Variants in CADPS2 observed in about 807,000 individuals in gnomAD.
CADPS2 encodes calcium-dependent secretion activator 2.
Under a neutral mutation model 172.5 loss-of-function variants are expected in CADPS2, and 93 were observed. That is an observed-to-expected ratio of 0.54 (90% CI 0.46 to 0.64). The LOEUF (loss-of-function observed/expected upper bound fraction) is 0.64, where lower values mean the gene tolerates loss of function less well. CADPS2 is among the 30% of genes least tolerant of loss of function. The pLI is 0.00. For missense variants in CADPS2, 1,420 were observed against 1,565.9 expected (o/e 0.91, Z 1.57); for synonymous variants, 546 against 555.2 (o/e 0.98, Z 0.23).
At chr7:122,485,693 G>A (rs2057737437) in intron 11 of CADPS2, among the ~76,000 whole-genome samples, 1 of 152,326 alleles carries the variant, frequency 6.6e-6, no homozygotes, top group Non-Finnish European at 1.5e-5. Context: ...GATGAAGTTA[G>A]CTATGCTAAA....
intron 25 of CADPS2, among the ~76,000 whole-genome samples, chr7:122,367,107 C>T (rs1337534814): frequency 6.6e-6 from 1 of 152,106 alleles, no homozygotes; most frequent in Non-Finnish European, 1.5e-5. Context: ...TAACAGATGC[C>T]TTCTGAATAT....
chr7:122,837,005 C>T (rs1322326436), intron 1 of CADPS2, among the ~76,000 whole-genome samples: 1 of 152,126 alleles, frequency 6.6e-6, no homozygotes, highest in Non-Finnish European at 1.5e-5. Flanking sequence ...TTGCTTATTC[C>T]AAAATTGACC....
intron 8 of CADPS2, among the ~76,000 whole-genome samples, chr7:122,552,146 T>C (rs943630072): frequency 6.6e-6 from 1 of 152,182 alleles, no homozygotes; most frequent in African/African-American, 2.4e-5. Flanking sequence ...AAATGTTTAA[T>C]TCTTCTAATA....
intron 1 of CADPS2, among the ~76,000 whole-genome samples, chr7:122,870,094 A>G (rs935910581): frequency 6.6e-6 from 1 of 152,044 alleles, no homozygotes; most frequent in African/African-American, 2.4e-5. Context: ...GTAAATCCTT[A>G]CCTATCAATA....
intron 2 of CADPS2, among the ~76,000 whole-genome samples, chr7:122,724,916 C>A (rs370116680): frequency 1.3e-5 from 2 of 151,640 alleles, no homozygotes; most frequent in African/African-American, 2.4e-5. Flanking sequence ...TAAGTCCATA[C>A]GATTACAGAG....
chr7:122,474,567 G>A, intron 12 of CADPS2, 50 bp from the exon 13 acceptor site: 4 of 1,561,550 alleles, frequency 2.6e-6, no homozygotes, highest in Non-Finnish European at 3.5e-6. Context: ...CAGGCTTAAT[G>A]ATGGACATAC....
intron 6 of CADPS2, among the ~76,000 whole-genome samples, chr7:122,603,976 A>G (rs1207035255): frequency 6.6e-6 from 1 of 152,130 alleles, no homozygotes; most frequent in Non-Finnish European, 1.5e-5. Flanking sequence ...AACATGGGGG[A>G]TGATGGATAT....
intron 3 of CADPS2, among the ~76,000 whole-genome samples, chr7:122,650,061 A>T (rs1420412040): frequency 6.6e-6 from 1 of 150,700 alleles, no homozygotes; most frequent in Non-Finnish European, 1.5e-5. Context: ...TGCGCGTGCC[A>T]CCACACCTGG....
At chr7:122,756,279 A>G (rs996204886) in intron 1 of CADPS2, among the ~76,000 whole-genome samples, 3 of 152,218 alleles carry the variant, frequency 2.0e-5, no homozygotes, top group Non-Finnish European at 2.9e-5. Context: ...AATCCAACTT[A>G]GAAAAAATCA....
At chr7:122,598,237 A>AT (rs567814742) in intron 6 of CADPS2, among the ~76,000 whole-genome samples, 208 of 150,182 alleles carry the variant, frequency 1.4e-3, no homozygotes, top group South Asian at 4.0e-3. Flanking sequence ...TGCTACAAAG[A>AT]TTTTTTTTTT....
chr7:122,330,654 C>G (rs2034765524), intron 28 of CADPS2: 1 of 152,120 alleles, frequency 6.6e-6, no homozygotes. Flanking sequence ...GTGAAACCAG[C>G]CTATTAGGTT....
chr7:122,576,279 T>C (rs980261771), intron 7 of CADPS2, among the ~76,000 whole-genome samples: 9 of 152,152 alleles, frequency 5.9e-5, no homozygotes, highest in Non-Finnish European at 1.3e-4. Flanking sequence ...ATAGAGAGCA[T>C]AGGATATCCA....
Position 122,451,370 on chromosome 7 carries a change from A to C in CADPS2, c.2288+4T>G. The stretch of plus-strand genomic sequence containing the variant: ...AATATTTATATTAATAAAAAAATAT[A>C]TACCTGAAATGGCTTATCTGATTTT... On this transcript the variant is annotated splice_donor_region_variant and intron_variant, in intron 15 of 29. Coordinates refer to ENST00000449022, the MANE Select transcript of CADPS2 (RefSeq NM_017954.11). 1 of 1,381,698 alleles carries C rather than the reference A, an allele frequency of 7.2e-7. No homozygotes were observed. The allele number at this position is 1,381,698 out of a possible 1,614,324, so 85.6% of individuals were successfully genotyped here.
At chr7:122,661,115 A>G (rs1005865266) in intron 3 of CADPS2, among the ~76,000 whole-genome samples, 1 of 152,224 alleles carries the variant, frequency 6.6e-6, no homozygotes. Context: ...AAGGAATACT[A>G]CATCACGATA....
intron 25 of CADPS2, among the ~76,000 whole-genome samples, chr7:122,370,911 T>G (rs2041688425): frequency 6.6e-6 from 1 of 152,160 alleles, no homozygotes; most frequent in African/African-American, 2.4e-5. Flanking sequence ...AAGTTTTTCT[T>G]GTGGGTCAAC....
chr7:122,368,594 A>G lies in CADPS2; in HGVS notation c.3388-7581T>C, dbSNP rs150707303. The stretch of plus-strand genomic sequence containing the variant: ...CTCCTTTCCCTTCTTAATCAGACTG[A>G]CATCAATGCTTTGATTGGTGTTATA... On this transcript the variant is annotated intron_variant, in intron 25 of 29. Coordinates refer to ENST00000449022, the MANE Select transcript of CADPS2 (RefSeq NM_017954.11). 3.0e-3 allele frequency among the ~76,000 whole-genome samples: 463 copies of G among 152,328 alleles called. 4 individuals carry two copies. The highest frequency in any genetic ancestry group is 0.011 in the African/African-American group (447 of 41,572).
chr7:122,855,314 A>C (rs1354265214), intron 1 of CADPS2, among the ~76,000 whole-genome samples: 2 of 152,236 alleles, frequency 1.3e-5, no homozygotes, highest in Non-Finnish European at 2.9e-5. Flanking sequence ...ACACACATTA[A>C]TTTATTTATC....
At chr7:122,614,434 T>G (rs1305800941) in intron 6 of CADPS2, among the ~76,000 whole-genome samples, 1 of 152,134 alleles carries the variant, frequency 6.6e-6, no homozygotes, top group Admixed American at 6.6e-5. Flanking sequence ...ATATTGGTAT[T>G]ATAATAAGGC....
chr7:122,601,391 C>G (rs199802800), intron 6 of CADPS2, among the ~76,000 whole-genome samples: 1 of 151,980 alleles, frequency 6.6e-6, no homozygotes, highest in Non-Finnish European at 1.5e-5. Context: ...TTCACATCTT[C>G]GCCAACCAGA....
Sources: allele counts gnomAD v4.1 joint callset (sites outside exome capture counted in the v4.1 genomes callset), GRCh38; gene constraint gnomAD v4.1.1; transcripts MANE v1.5; gene names NCBI Gene and HGNC (gene_info 2026-07-23, HGNC 2026-07-21).